Variants in ADAMTSL3 observed in about 807,000 individuals in gnomAD.
ADAMTSL3 encodes the protein ADAMTS-like protein 3.
A neutral mutation model predicts 201.7 loss-of-function variants in ADAMTSL3; 128 were observed. That is an observed-to-expected ratio of 0.63 (90% CI 0.55 to 0.73). ADAMTSL3 has a LOEUF of 0.73. ADAMTSL3 is among the 30% of genes least tolerant of loss of function. ADAMTSL3 has a pLI of 0.00. For missense variants in ADAMTSL3, 1,990 were observed against 2,119.6 expected (o/e 0.94, Z 1.20); for synonymous variants, 738 against 748.4 (o/e 0.99, Z 0.23).
chr15:84,010,171 T>G (rs1005786102), intron 23 of ADAMTSL3, among the ~76,000 whole-genome samples: 2 of 152,246 alleles, frequency 1.3e-5, no homozygotes, highest in African/African-American at 4.8e-5. Flanking sequence ...AATGTCGATT[T>G]ATACTCACAT....
chr15:83,928,310 C>A (rs2066287111), intron 17 of ADAMTSL3, among the ~76,000 whole-genome samples: 1 of 152,028 alleles, frequency 6.6e-6, no homozygotes, highest in African/African-American at 2.4e-5. Flanking sequence ...TGACCACACC[C>A]AGCTAGCTAT....
chr15:83,737,986 C>T (rs1490330147), intron 3 of ADAMTSL3, among the ~76,000 whole-genome samples: 2 of 152,158 alleles, frequency 1.3e-5, no homozygotes, highest in Non-Finnish European at 2.9e-5. Context: ...CCTACACTGG[C>T]TGTGTTTCAA....
At chr15:83,780,576 TA>T (rs1054179900) in intron 4 of ADAMTSL3, among the ~76,000 whole-genome samples, 14 of 152,282 alleles carry the variant, frequency 9.2e-5, no homozygotes, top group African/African-American at 3.4e-4. Context: ...CCTCTCTCAC[TA>T]CTCCTATTCA....
intron 6 of ADAMTSL3, among the ~76,000 whole-genome samples, chr15:83,833,558 A>G (rs558807768): frequency 1.3e-5 from 2 of 152,352 alleles, no homozygotes; most frequent in South Asian, 2.1e-4. Context: ...AGGAAGTGAT[A>G]GAGCTGGAAT....
intron 19 of ADAMTSL3, among the ~76,000 whole-genome samples, chr15:83,951,056 G>A (rs1231629731): frequency 2.8e-5 from 4 of 141,872 alleles, no homozygotes; most frequent in Non-Finnish European, 6.1e-5. Flanking sequence ...GGACTATGTT[G>A]AATAACAGTG....
chr15:83,993,765 T>G (rs956371393), intron 23 of ADAMTSL3, among the ~76,000 whole-genome samples: 1 of 152,188 alleles, frequency 6.6e-6, no homozygotes, highest in Non-Finnish European at 1.5e-5. Flanking sequence ...AAAAAAAGTT[T>G]TTTTCTGTCC....
At position 83,913,165 on chromosome 15, in the gene ADAMTSL3, C is replaced by G. The variant is rs367740718; in HGVS notation, c.1774C>G (p.Arg592Gly). 6.2e-7 allele frequency: 1 copy of G among 1,614,000 alleles called. No homozygotes were observed. The highest frequency in any genetic ancestry group is 1.7e-5 in the Admixed American group (1 of 59,998). Residue 592 changes from arginine (R) to glycine (G), a missense_variant, in exon 16 of 30, where the codon CGT becomes GGT. Coordinates refer to ENST00000286744, the MANE Select transcript of ADAMTSL3 (RefSeq NM_207517.3). ...PGVQVREVKC[R>G]VLLTFTQTET... is the part of the protein sequence containing the mutation. ...TGTGCAGGTCCGTGAGGTGAAGTGC[C>G]GTGTGCTCCTCACATTCACGCAGAC...
chr15:83,892,985 A>G, intron 13 of ADAMTSL3, 97 bp downstream of exon 13: 1 of 1,205,596 alleles, frequency 8.3e-7, no homozygotes, highest in Non-Finnish European at 1.2e-6. Flanking sequence ...GGAGACAAAA[A>G]AAAAGTGGTA....
intron 17 of ADAMTSL3, among the ~76,000 whole-genome samples, chr15:83,930,392 A>G (rs975391603): frequency 4.6e-5 from 7 of 152,210 alleles, no homozygotes; most frequent in Admixed American, 2.0e-4. Flanking sequence ...CAGGAGGTCA[A>G]GGCAGGGTTG....
chr15:83,804,265 T>G (rs1040508710), intron 4 of ADAMTSL3, among the ~76,000 whole-genome samples: 9 of 152,202 alleles, frequency 5.9e-5, no homozygotes, highest in Non-Finnish European at 1.3e-4. Context: ...AATGTCCTAG[T>G]GGAGACGTGC....
intron 5 of ADAMTSL3, among the ~76,000 whole-genome samples, chr15:83,813,630 T>C (rs1227592960): frequency 1.3e-5 from 2 of 152,152 alleles, no homozygotes; most frequent in African/African-American, 4.8e-5. Context: ...TTTGGTTCAG[T>C]GGCTCTCCTC....
At chr15:83,923,038 G>A (rs2066176707) in intron 16 of ADAMTSL3, among the ~76,000 whole-genome samples, 1 of 151,970 alleles carries the variant, frequency 6.6e-6, no homozygotes. Context: ...AGGCTTTGGG[G>A]TCAGACAGAC....
At chr15:83,908,682 A>G (rs2065882687) in intron 15 of ADAMTSL3, among the ~76,000 whole-genome samples, 2 of 152,124 alleles carry the variant, frequency 1.3e-5, no homozygotes, top group South Asian at 4.2e-4. Context: ...TTGTGCCTAG[A>G]CACCTAGACA....
intron 26 of ADAMTSL3, among the ~76,000 whole-genome samples, chr15:84,022,944 C>G (rs1428627459): frequency 2.6e-5 from 4 of 152,112 alleles, no homozygotes; most frequent in Admixed American, 2.6e-4. Context: ...CTATATATAC[C>G]TCAATACATG....
chr15:83,788,542 C>T (rs1365782788), intron 4 of ADAMTSL3, among the ~76,000 whole-genome samples: 1 of 152,126 alleles, frequency 6.6e-6, no homozygotes, highest in African/African-American at 2.4e-5. Flanking sequence ...GGCTTTGCTC[C>T]ATATTCTAAC....
In ADAMTSL3 at chr15:83,858,884, T is replaced by G. The variant is rs1428804364; in HGVS notation, c.802+44T>G. 3 of 1,510,154 alleles carry G rather than the reference T, an allele frequency of 2.0e-6. No individual in the cohort carries two copies. The African/African-American group carries it at 4.2e-5, about 21-fold the overall frequency. The allele number at this position is 1,510,154 out of a possible 1,614,324, so 93.5% of individuals were successfully genotyped here. On this transcript the variant is annotated intron_variant, in intron 8 of 29. Coordinates refer to ENST00000286744, the MANE Select transcript of ADAMTSL3 (RefSeq NM_207517.3). ...TAACATTTTTTAATATCCTGAAAGT[T>G]TAGTTAGCCAAAAAAAACAAAAAAC... is the stretch of plus-strand genomic sequence containing the variant.
At chr15:83,706,547 A>G (rs11857759) in intron 3 of ADAMTSL3, among the ~76,000 whole-genome samples, 6,653 of 152,294 alleles carry the variant, frequency 0.044, 478 homozygotes, top group African/African-American at 0.15. Flanking sequence ...AGGCGCTTGG[A>G]CTAAACTAGG....
At chr15:83,738,840 G>T (rs2062408479) in intron 3 of ADAMTSL3, among the ~76,000 whole-genome samples, 1 of 151,980 alleles carries the variant, frequency 6.6e-6, no homozygotes, top group Admixed American at 6.6e-5. Context: ...AGGTTGCATT[G>T]AGCCGAGATT....
At chr15:83,689,117 C>T (rs140117706) in intron 2 of ADAMTSL3, among the ~76,000 whole-genome samples, 5 of 152,328 alleles carry the variant, frequency 3.3e-5, no homozygotes, top group East Asian at 3.8e-4. Flanking sequence ...GCCACTGCAC[C>T]TGGCCTAAAA....
Sources: gnomAD v4.1 joint callset for allele counts (sites outside exome capture counted in the v4.1 genomes callset) on GRCh38, gnomAD v4.1.1 for gene constraint, MANE v1.5 for transcripts, NCBI Gene and HGNC (gene_info 2026-07-23, HGNC 2026-07-21) for gene names.